Variants in NPAS3 observed in about 807,000 individuals in gnomAD.
NPAS3 encodes the protein neuronal PAS domain protein 3.
NPAS3 carries 14 observed loss-of-function variants against 73.1 expected under a neutral mutation model. That is an observed-to-expected ratio of 0.19 (90% CI 0.13 to 0.30). The LOEUF (loss-of-function observed/expected upper bound fraction) is 0.30. Among genes scored for constraint, NPAS3 ranks in the 10% least tolerant of loss-of-function variants. The probability of loss-of-function intolerance (pLI) is 1.00; values close to 1 mark genes in which losing one functional copy is unlikely to be tolerated. For synonymous variants in NPAS3, 620 were observed against 541.5 expected (o/e 1.14, Z -2.01); for missense variants, 1,096 against 1,250.0 (o/e 0.88, Z 1.86).
intron 3 of NPAS3, among the ~76,000 whole-genome samples, chr14:33,310,790 T>TACAC (rs57506320): frequency 0.089 from 12,693 of 142,016 alleles, 664 homozygotes; most frequent in East Asian, 0.15. Context: ...AAATGTATGG[T>TACAC]ACACACACAC....
At chr14:33,284,328 AT>A (rs199702551) in intron 3 of NPAS3, among the ~76,000 whole-genome samples, 12,591 of 147,806 alleles carry the variant, frequency 0.085, 1,177 homozygotes, top group African/African-American at 0.23. Context: ...ACAGTGCTCT[AT>A]TTTTTTTTTT....
At chr14:33,670,616 C>A (rs1399204884) in intron 5 of NPAS3, among the ~76,000 whole-genome samples, 1 of 33,662 alleles carries the variant, frequency 3.0e-5, no homozygotes, top group East Asian at 8.7e-4. Context: ...ATAAATGTGA[C>A]CCCCCCTCAA....
chr14:33,134,613 C>T (rs2043766258), intron 2 of NPAS3, among the ~76,000 whole-genome samples: 1 of 152,054 alleles, frequency 6.6e-6, no homozygotes, highest in South Asian at 2.1e-4. Context: ...TGCCTGTGGT[C>T]TGTTTGGTTT....
At chr14:33,218,463 C>T (rs905493516) in intron 3 of NPAS3, among the ~76,000 whole-genome samples, 1 of 152,076 alleles carries the variant, frequency 6.6e-6, no homozygotes, top group African/African-American at 2.4e-5. Context: ...ACAATAACAT[C>T]AAAAGAAATT....
chr14:33,630,521 G>A (rs2058349717), intron 5 of NPAS3, among the ~76,000 whole-genome samples: 1 of 152,172 alleles, frequency 6.6e-6, no homozygotes, highest in Non-Finnish European at 1.5e-5. Flanking sequence ...ACATATGTTT[G>A]ACAATTCTGC....
At chr14:33,374,621 C>T (rs1019575038) in intron 4 of NPAS3, among the ~76,000 whole-genome samples, 10 of 147,834 alleles carry the variant, frequency 6.8e-5, no homozygotes, top group African/African-American at 1.5e-4. Flanking sequence ...TGTAGAAGAC[C>T]GAGTAGAAGA....
intron 4 of NPAS3, among the ~76,000 whole-genome samples, chr14:33,400,636 G>A (rs189251614): frequency 8.6e-4 from 131 of 152,170 alleles, no homozygotes; most frequent in African/African-American, 3.1e-3. Flanking sequence ...AACATAACCA[G>A]GGACATTTAG....
intron 3 of NPAS3, among the ~76,000 whole-genome samples, chr14:33,359,789 C>G (rs2045507924): frequency 3.3e-5 from 5 of 152,144 alleles, no homozygotes; most frequent in Admixed American, 3.3e-4. Context: ...TTGTCCCTCC[C>G]TTTGAGAGCC....
chr14:33,498,002 A>G lies in NPAS3; in HGVS notation c.469-62119A>G, dbSNP rs539552079. ...AGGAATTTAAACAAATTTACAAGAAAAAAACAACCCCATCAAAAAGTAGGC... is the reference window on the plus strand; with the variant it reads ...AGGAATTTAAACAAATTTACAAGAAGAAAACAACCCCATCAAAAAGTAGGC... On this transcript the variant is annotated intron_variant, in intron 4 of 11. Coordinates refer to ENST00000356141, the Ensembl canonical transcript of NPAS3. 1.1e-3 allele frequency among the ~76,000 whole-genome samples: 170 copies of G among 152,306 alleles called. 1 individual carries two copies. Among genetic ancestry groups the G allele is most frequent in the African/African-American group, 3.9e-3 (162 of 41,580 alleles).
At chr14:33,589,652 T>C (rs1273402976) in intron 5 of NPAS3, among the ~76,000 whole-genome samples, 1 of 152,156 alleles carries the variant, frequency 6.6e-6, no homozygotes, top group Non-Finnish European at 1.5e-5. Context: ...ATAAAGTTTT[T>C]TATTGTTGTT....
rs187122704 is a variant in NPAS3 at position 33,564,984 on chromosome 14, C to T, written c.558+4774C>T. Among the ~76,000 whole-genome samples the T allele has an allele frequency of 1.9e-3, 285 of 152,240 alleles. 2 individuals are homozygous for T. The highest frequency in any genetic ancestry group is 6.5e-3 in the African/African-American group (271 of 41,544). On this transcript the variant is annotated intron_variant, in intron 5 of 11. Transcript: ENST00000356141. ...CTCCTGCACATAATGAGTCACTTCC[C>T]TTTTTCTCACCAAGTCCTCACCCTT...
chr14:33,004,141 C>G (rs1472816640), intron 1 of NPAS3, among the ~76,000 whole-genome samples: 1 of 152,120 alleles, frequency 6.6e-6, no homozygotes, highest in African/African-American at 2.4e-5. Context: ...AGAAAACACT[C>G]AAATATTAGC....
intron 3 of NPAS3, among the ~76,000 whole-genome samples, chr14:33,219,854 G>C (rs918142419): frequency 6.6e-6 from 1 of 152,130 alleles, no homozygotes; most frequent in Non-Finnish European, 1.5e-5. Context: ...TGTTTCAATA[G>C]AAAGGTAGAG....
At chr14:33,324,241 C>T (rs1274237460) in intron 3 of NPAS3, among the ~76,000 whole-genome samples, 1 of 152,114 alleles carries the variant, frequency 6.6e-6, no homozygotes, top group Admixed American at 6.6e-5. Context: ...TTTGTAACGC[C>T]GGATCTGCCA....
intron 1 of NPAS3, among the ~76,000 whole-genome samples, chr14:32,993,361 CTT>C (rs1052315331): frequency 3.9e-5 from 6 of 152,002 alleles, no homozygotes; most frequent in Non-Finnish European, 7.4e-5. Flanking sequence ...ATGAAATAAA[CTT>C]TTAAGGAGGC....
chr14:33,381,691 T>C (rs2046560619), intron 4 of NPAS3, among the ~76,000 whole-genome samples: 1 of 152,154 alleles, frequency 6.6e-6, no homozygotes, highest in East Asian at 1.9e-4. Context: ...ATTAAATTAT[T>C]TTACAATGGA....
intron 2 of NPAS3, among the ~76,000 whole-genome samples, chr14:33,114,263 T>C (rs112073735): frequency 1.3e-5 from 2 of 152,244 alleles, no homozygotes; most frequent in African/African-American, 4.8e-5. Flanking sequence ...GTCAAACTCC[T>C]GGCCTCAATG....
intron 2 of NPAS3, among the ~76,000 whole-genome samples, chr14:33,130,278 C>G (rs910679944): frequency 6.6e-6 from 1 of 152,118 alleles, no homozygotes; most frequent in Non-Finnish European, 1.5e-5. Flanking sequence ...ACTCTCCCCC[C>G]TTATTTAGTC....
intron 3 of NPAS3, among the ~76,000 whole-genome samples, chr14:33,260,551 A>G (rs1214089500): frequency 6.6e-6 from 1 of 152,130 alleles, no homozygotes; most frequent in Non-Finnish European, 1.5e-5. Flanking sequence ...CTACTTTTTC[A>G]ATCACCTGGG....
Sources: allele counts gnomAD v4.1 joint callset (sites outside exome capture counted in the v4.1 genomes callset), GRCh38; gene constraint gnomAD v4.1.1; transcripts MANE v1.5; gene names NCBI Gene and HGNC (gene_info 2026-07-23, HGNC 2026-07-21).